Variants in SLC12A8 observed in about 807,000 individuals in gnomAD.
SLC12A8 encodes solute carrier family 12 member 8.
In SLC12A8, 69 loss-of-function variants were observed where a neutral mutation model predicts 75.6. That is an observed-to-expected ratio of 0.91 (90% confidence interval 0.75 to 1.11). SLC12A8 has a LOEUF of 1.11. SLC12A8 is among the 50% of genes most tolerant of loss of function. SLC12A8 has a pLI of 0.00. For missense variants in SLC12A8, 877 were observed against 896.7 expected, an observed-to-expected ratio of 0.98 and a Z score of 0.28; for synonymous variants, 365 against 372.8, an observed-to-expected ratio of 0.98 and a Z score of 0.24.
intron 4 of SLC12A8, among the ~76,000 whole-genome samples, chr3:125,179,260 A>G (rs1040253007): frequency 6.6e-6 from 1 of 152,206 alleles, no homozygotes; most frequent in African/African-American, 2.4e-5. Flanking sequence ...ATCTGGTTCC[A>G]TATTCTATTA....
chr3:125,146,303 G>C (rs1346082786), intron 5 of SLC12A8, among the ~76,000 whole-genome samples: 1 of 152,168 alleles, frequency 6.6e-6, no homozygotes. Context: ...AGTTAGTGGG[G>C]GCGGAGTTTC....
At chr3:125,139,069 C>T (rs1933564478) in intron 5 of SLC12A8, among the ~76,000 whole-genome samples, 1 of 152,082 alleles carries the variant, frequency 6.6e-6, no homozygotes, top group African/African-American at 2.4e-5. Flanking sequence ...GGAAAACAAA[C>T]AAAACATCCC....
chr3:125,173,756 C>G (rs1286619206), intron 5 of SLC12A8, among the ~76,000 whole-genome samples: 6 of 152,190 alleles, frequency 3.9e-5, no homozygotes, highest in Non-Finnish European at 8.8e-5. Flanking sequence ...AAACACACAT[C>G]TGATAAAGGG....
At chr3:125,134,349 A>G (rs997909434) in intron 6 of SLC12A8, among the ~76,000 whole-genome samples, 89 of 130,850 alleles carry the variant, frequency 6.8e-4, no homozygotes, top group African/African-American at 2.4e-3. Flanking sequence ...ACCTGAGGTG[A>G]TCCACCTGCC....
At chr3:125,176,988 G>T (rs1182747880) in intron 5 of SLC12A8, among the ~76,000 whole-genome samples, 2 of 151,910 alleles carry the variant, frequency 1.3e-5, no homozygotes, top group East Asian at 1.9e-4. Context: ...TATACCCAAA[G>T]GATTATAAAT....
intron 8 of SLC12A8, among the ~76,000 whole-genome samples, chr3:125,116,518 T>C (rs976622324): frequency 2.6e-5 from 4 of 152,166 alleles, no homozygotes; most frequent in Non-Finnish European, 5.9e-5. Context: ...TGCCTATCAT[T>C]AGGTGTGGGA....
chr3:125,089,870 T>G (rs970890258), intron 12 of SLC12A8, among the ~76,000 whole-genome samples: 1 of 151,158 alleles, frequency 6.6e-6, no homozygotes, highest in Non-Finnish European at 1.5e-5. Context: ...GATCTTCTTT[T>G]CTAACGTAAG....
chr3:125,196,632 T>A (rs777326770), intron 2 of SLC12A8, among the ~76,000 whole-genome samples: 10 of 152,158 alleles, frequency 6.6e-5, no homozygotes, highest in Admixed American at 4.6e-4. Context: ...CTCTGCCCAC[T>A]TAAAGTGTCT....
In SLC12A8 at chr3:125,120,609, C is replaced by T; in HGVS notation, c.814G>A (p.Val272Ile). The T allele has an allele frequency of 6.2e-7, 1 of 1,613,460 alleles. No homozygotes were observed. Among genetic ancestry groups the T allele is most frequent in the Non-Finnish European group, 8.5e-7 (1 of 1,179,662 alleles). Residue 272 changes from valine to isoleucine, a missense_variant, in exon 7 of 14, where the codon GTT becomes ATT. Val to Ile is a conservative substitution (Grantham distance 29). Transcript: ENST00000469902. Reference sequence around the variant, plus strand: ...ATGAGGGGAACTTACGAGATGCCAACAGCTGCCAGGGAGCCCAGGGGAATG... The same window carrying T: ...ATGAGGGGAACTTACGAGATGCCAATAGCTGCCAGGGAGCCCAGGGGAATG... Reference protein sequence around the residue: ...ASIPLGSLAAVGISWFLYIIF... With the variant: ...ASIPLGSLAAIGISWFLYIIF...
chr3:125,197,329 T>C (rs532091887), intron 2 of SLC12A8, among the ~76,000 whole-genome samples: 1 of 152,284 alleles, frequency 6.6e-6, no homozygotes, highest in Non-Finnish European at 1.5e-5. Context: ...TCTTGCTCTG[T>C]CACCCAGGCT....
intron 4 of SLC12A8, among the ~76,000 whole-genome samples, chr3:125,186,511 C>T (rs1934786512): frequency 6.6e-6 from 1 of 152,192 alleles, no homozygotes; most frequent in Admixed American, 6.5e-5. Flanking sequence ...GTTTTTTCAA[C>T]CACCCACCAC....
chr3:125,152,717 G>T (rs1933957759), intron 5 of SLC12A8, among the ~76,000 whole-genome samples: 1 of 152,144 alleles, frequency 6.6e-6, no homozygotes, highest in South Asian at 2.1e-4. Flanking sequence ...TTCCAGGAGG[G>T]TATTTCTTTC....
intron 2 of SLC12A8, 151 bp from the exon 3 acceptor site, chr3:125,190,672 T>C (rs1934893956): frequency 3.8e-6 from 3 of 784,028 alleles, no homozygotes; most frequent in African/African-American, 3.5e-5. Flanking sequence ...TATACACACA[T>C]GCATGCACAT....
At position 125,158,905 on chromosome 3, in the gene SLC12A8, C is replaced by T. The variant is rs185691081; in HGVS notation, c.622+18838G>A. ...CTTCATATCTCTTCCATGATACCAT[C>T]CCAAATGGCTTCAAAAAGACTCAGA... On this transcript the variant is annotated intron_variant, in intron 5 of 13. Coordinates refer to ENST00000469902, the MANE Select transcript of SLC12A8 (RefSeq NM_024628.6). 1.8e-4 allele frequency among the ~76,000 whole-genome samples: 27 copies of T among 152,212 alleles called. No individual in the cohort carries two copies. The East Asian group carries it at 5.0e-3, about 28-fold the overall frequency.
At position 125,096,352 on chromosome 3, in the gene SLC12A8, A is replaced by T. The variant is rs549654339; in HGVS notation, c.1706-4154T>A. ...TTCATTATACTTATCACTTACTGAC[A>T]TCACAGTATGGTATTTGCTTGTTTA... On this transcript the variant is annotated intron_variant, in intron 10 of 13. Transcript: ENST00000469902. Among the ~76,000 whole-genome samples, 6 of 152,342 alleles carry T rather than the reference A, an allele frequency of 3.9e-5. No individual in the cohort carries two copies. The South Asian group carries it at 1.0e-3, about 26-fold the overall frequency.
chr3:125,181,764 A>G (rs1395683255), intron 4 of SLC12A8, among the ~76,000 whole-genome samples: 6 of 149,094 alleles, frequency 4.0e-5, no homozygotes, highest in Non-Finnish European at 8.9e-5. Context: ...GAAAAATACA[A>G]GAAACAAAAG....
At chr3:125,120,302 G>C (rs902290550) in intron 7 of SLC12A8, among the ~76,000 whole-genome samples, 3 of 151,600 alleles carry the variant, frequency 2.0e-5, no homozygotes, top group Non-Finnish European at 2.9e-5. Context: ...GTTCAAAATG[G>C]GGGTGGGGGA....
At chr3:125,173,452 C>CAAA (rs61001520) in intron 5 of SLC12A8, among the ~76,000 whole-genome samples, 8,307 of 79,648 alleles carry the variant, frequency 0.1, 254 homozygotes, top group Non-Finnish European at 0.14. Flanking sequence ...ATTCATGAGC[C>CAAA]AAAAAAAAAA....
At chr3:125,139,451 C>G (rs1933573441) in intron 5 of SLC12A8, among the ~76,000 whole-genome samples, 4 of 152,192 alleles carry the variant, frequency 2.6e-5, no homozygotes, top group Admixed American at 2.0e-4. Context: ...TTTCCTCTGC[C>G]CCTATTTTCC....
Sources: gnomAD v4.1 joint callset for allele counts (sites outside exome capture counted in the v4.1 genomes callset) on GRCh38, gnomAD v4.1.1 for gene constraint, MANE v1.5 for transcripts, NCBI Gene and HGNC (gene_info 2026-07-23, HGNC 2026-07-21) for gene names.